MYO9A: variants seen among roughly 807,000 people sequenced by gnomAD.
MYO9A encodes the protein myosin IXA.
MYO9A carries 103 observed loss-of-function variants against 293.3 expected under a neutral mutation model. The ratio of observed to expected loss-of-function variants is 0.35; its 90% CI spans 0.30 to 0.41. The LOEUF (loss-of-function observed/expected upper bound fraction) is 0.41, where lower values mean the gene tolerates loss of function less well. Among genes scored for constraint, MYO9A ranks in the 10% least tolerant of loss-of-function variants. MYO9A has a pLI of 1.00. For missense variants in MYO9A, 2,685 were observed against 3,033.0 expected, an observed-to-expected ratio of 0.89 and a Z score of 2.69; for synonymous variants, 1,001 against 1,035.7, an observed-to-expected ratio of 0.97 and a Z score of 0.64.
intron 7 of MYO9A, 72 bp from the exon 8 acceptor site, chr15:72,008,024 G>A: frequency 6.6e-7 from 1 of 1,514,712 alleles, no homozygotes; most frequent in African/African-American, 1.4e-5. Context: ...TAAAATTCTA[G>A]TTAAGCAAAT....
chr15:71,932,261 T>A (rs2058497899), intron 18 of MYO9A, among the ~76,000 whole-genome samples: 1 of 152,094 alleles, frequency 6.6e-6, no homozygotes, highest in Non-Finnish European at 1.5e-5. Flanking sequence ...CATTATCTCA[T>A]CTTGGGGGAA....
intron 1 of MYO9A, among the ~76,000 whole-genome samples, chr15:72,051,756 C>T (rs895284956): frequency 6.6e-6 from 1 of 152,132 alleles, no homozygotes; most frequent in African/African-American, 2.4e-5. Flanking sequence ...CCTACAAACA[C>T]TAGAGGGAGG....
chr15:71,884,497 T>C (rs771275609), intron 27 of MYO9A, among the ~76,000 whole-genome samples: 1 of 152,156 alleles, frequency 6.6e-6, no homozygotes, highest in African/African-American at 2.4e-5. Context: ...CAAACTACTA[T>C]AAATATGTTA....
chr15:71,862,111 G>A (rs1353823357), intron 33 of MYO9A, among the ~76,000 whole-genome samples: 2 of 152,156 alleles, frequency 1.3e-5, no homozygotes, highest in Non-Finnish European at 2.9e-5. Context: ...CAGCCTGGGC[G>A]ATGGAGCAAG....
intron 11 of MYO9A, among the ~76,000 whole-genome samples, chr15:71,989,644 C>T (rs1361912646): frequency 6.6e-6 from 1 of 152,008 alleles, no homozygotes; most frequent in Non-Finnish European, 1.5e-5. Context: ...TTCCAAACCC[C>T]TGTGTGAAAG....
chr15:71,952,889 T>C (rs928421027), intron 14 of MYO9A, among the ~76,000 whole-genome samples: 4 of 152,180 alleles, frequency 2.6e-5, no homozygotes, highest in Non-Finnish European at 4.4e-5. Context: ...AACAGTCTCA[T>C]ACTAATTCAA....
At chr15:72,097,500 C>T (rs2080102863) in intron 1 of MYO9A, among the ~76,000 whole-genome samples, 1 of 118,592 alleles carries the variant, frequency 8.4e-6, no homozygotes, top group Non-Finnish European at 2.2e-5. Context: ...AATGGGAAAA[C>T]AAAAGTTTCA....
intron 34 of MYO9A, among the ~76,000 whole-genome samples, chr15:71,855,796 C>T (rs1212205551): frequency 6.6e-6 from 1 of 152,120 alleles, no homozygotes; most frequent in Admixed American, 6.5e-5. Flanking sequence ...CATATGTCTC[C>T]TTTTAATATA....
chr15:71,941,458 C>CAAA (rs1225846628), intron 15 of MYO9A, among the ~76,000 whole-genome samples: 1 of 152,142 alleles, frequency 6.6e-6, no homozygotes, highest in African/African-American at 2.4e-5. Flanking sequence ...ACAACAACAA[C>CAAA]AAACCCATCA....
At chr15:71,868,387 T>C (rs1036210396) in intron 32 of MYO9A, among the ~76,000 whole-genome samples, 2 of 152,250 alleles carry the variant, frequency 1.3e-5, no homozygotes, top group African/African-American at 4.8e-5. Context: ...CATCATCTTC[T>C]ACCTCATCTC....
intron 11 of MYO9A, among the ~76,000 whole-genome samples, chr15:71,989,141 C>T (rs1346802085): frequency 3.9e-5 from 6 of 152,260 alleles, no homozygotes; most frequent in South Asian, 2.1e-4. Context: ...CCGCCCACCT[C>T]GGCCTCCCAT....
In MYO9A at chr15:71,898,714, A is replaced by T. The variant is rs749760804; in HGVS notation, c.3789T>A (p.His1263Gln). ...TCTTAGCCCGGCCTACTTTTTTCTG[A>T]TGGAGATCCTCCAAGGATCTGGGTC... is the stretch of plus-strand genomic sequence containing the variant. Reference protein sequence around the residue: ...RERPRSLEDLHQKKVGRAKRE... With the variant: ...RERPRSLEDLQQKKVGRAKRE... The change falls in exon 25 of 42, where the codon CAT becomes CAA. Residue 1263 changes from histidine (H) to glutamine (Q), a missense_variant. Transcript: ENST00000356056. 2 of 1,613,768 alleles carry T rather than the reference A, an allele frequency of 1.2e-6. No homozygotes were observed. Among genetic ancestry groups the T allele is most frequent in the African/African-American group, 1.3e-5 (1 of 74,840 alleles).
At chr15:71,925,808 A>G (rs2058297789) in intron 18 of MYO9A, among the ~76,000 whole-genome samples, 1 of 152,210 alleles carries the variant, frequency 6.6e-6, no homozygotes, top group Admixed American at 6.5e-5. Context: ...TTAAAAGACT[A>G]TATGCCACCA....
At chr15:72,101,707 G>C (rs1159276347) in intron 1 of MYO9A, among the ~76,000 whole-genome samples, 1 of 127,176 alleles carries the variant, frequency 7.9e-6, no homozygotes, top group Non-Finnish European at 1.6e-5. Context: ...TCAGCCCCCC[G>C]CCCGGCCAGC....
At chr15:71,977,558 T>A (rs1255082568) in intron 12 of MYO9A, among the ~76,000 whole-genome samples, 1 of 151,904 alleles carries the variant, frequency 6.6e-6, no homozygotes, top group African/African-American at 2.4e-5. Flanking sequence ...TCTTTTCTGC[T>A]AAACATGAAA....
chr15:71,905,349 G>A (rs539243742), intron 19 of MYO9A, among the ~76,000 whole-genome samples: 4 of 151,862 alleles, frequency 2.6e-5, no homozygotes, highest in Non-Finnish European at 5.9e-5. Flanking sequence ...GATTCAGGAG[G>A]GTATCCAGTA....
Position 71,898,681 on chromosome 15 carries a change from A to C in MYO9A, c.3822T>G (p.Ser1274Arg). The C allele has an allele frequency of 6.2e-7, 1 of 1,613,856 alleles. No individual in the cohort carries two copies. The highest frequency in any genetic ancestry group is 1.1e-5 in the South Asian group (1 of 91,042). The change falls in exon 25 of 42, where the codon AGT becomes AGG. Residue 1274 changes from serine to arginine, a missense_variant. Coordinates refer to ENST00000356056, the MANE Select transcript of MYO9A (RefSeq NM_006901.4). ...QKKVGRAKRE[S>R]RRMRELEQAI... Reference sequence around the variant, plus strand: ...CTTGCTCTAGTTCTCTCATTCTCCTACTTTCTCTCTTAGCCCGGCCTACTT... The same window carrying C: ...CTTGCTCTAGTTCTCTCATTCTCCTCCTTTCTCTCTTAGCCCGGCCTACTT...
intron 1 of MYO9A, among the ~76,000 whole-genome samples, chr15:72,050,046 C>A (rs2078507744): frequency 6.6e-6 from 1 of 152,078 alleles, no homozygotes; most frequent in African/African-American, 2.4e-5. Flanking sequence ...CAGCCAAAAT[C>A]ACACCTGCTC....
chr15:71,860,668 T>G (rs1364823690), intron 33 of MYO9A, among the ~76,000 whole-genome samples: 1 of 152,010 alleles, frequency 6.6e-6, no homozygotes, highest in Non-Finnish European at 1.5e-5. Context: ...CTAATTCTAT[T>G]AAAAAATCAA....
Sources: allele counts gnomAD v4.1 joint callset (sites outside exome capture counted in the v4.1 genomes callset), GRCh38; gene constraint gnomAD v4.1.1; transcripts MANE v1.5; gene names NCBI Gene and HGNC (gene_info 2026-07-23, HGNC 2026-07-21).